Variants in IGFL2 observed in about 807,000 individuals in gnomAD.
IGFL2 encodes the protein insulin growth factor-like family member 2.
A neutral mutation model predicts 13.9 loss-of-function variants in IGFL2; 7 were observed. The observed-to-expected ratio is 0.51, with a 90% CI of 0.29 to 0.95. The LOEUF (loss-of-function observed/expected upper bound fraction) is 0.95. Among genes scored for constraint, IGFL2 ranks in the 40% least tolerant of loss-of-function variants. The pLI is 0.08. For synonymous variants in IGFL2, 55 were observed against 55.8 expected, an observed-to-expected ratio of 0.99 and a Z score of 0.07; for missense variants, 138 against 147.8, an observed-to-expected ratio of 0.93 and a Z score of 0.34.
chr19:46,197,176 T>C, the IGFL2 span: 2 of 227,234 alleles, frequency 8.8e-6, no homozygotes, highest in Admixed American at 4.5e-5. Context: ...CAGAGTCTGC[T>C]TCGAGAAGTG....
chr19:46,111,922 GTC>G, the IGFL2 span: 32 of 152,268 alleles, frequency 2.1e-4, no homozygotes, highest in Admixed American at 7.2e-4. Flanking sequence ...TACACCCCGA[GTC>G]TGTACAAATA....
chr19:46,103,836 T>C, the IGFL2 span, among the ~76,000 whole-genome samples: 4 of 151,726 alleles, frequency 2.6e-5, no homozygotes, highest in African/African-American at 9.7e-5. Flanking sequence ...TGCGGGTGAG[T>C]TTAAGGGAAG....
chr19:46,135,992 C>A, the IGFL2 span, among the ~76,000 whole-genome samples: 1 of 152,180 alleles, frequency 6.6e-6, no homozygotes, highest in Non-Finnish European at 1.5e-5. Context: ...TTCCAGGAGA[C>A]CTTCCCCTAC....
the IGFL2 span, among the ~76,000 whole-genome samples, chr19:46,194,500 A>G: frequency 3.3e-5 from 5 of 152,220 alleles, no homozygotes; most frequent in Admixed American, 6.5e-5. Context: ...AAGCTTTTCA[A>G]TGGCTTCACC....
chr19:46,161,318 CTTTTTTTTT>C (rs71175262), downstream of IGFL2: 12 of 239,098 alleles, frequency 5.0e-5, no homozygotes, highest in Non-Finnish European at 9.2e-5. Flanking sequence ...CGTCTCCTTT[CTTTTTTTTT>C]TTTTTTTTTG....
the IGFL2 span, among the ~76,000 whole-genome samples, chr19:46,096,092 T>A: frequency 0.018 from 2,786 of 152,340 alleles, 94 homozygotes; most frequent in African/African-American, 0.063. Context: ...TATCATTGAA[T>A]CTATAAATTA....
chr19:46,135,302 C>A, the IGFL2 span, among the ~76,000 whole-genome samples: 1 of 152,184 alleles, frequency 6.6e-6, no homozygotes, highest in Non-Finnish European at 1.5e-5. Flanking sequence ...TCCCACATTG[C>A]TTTTGATGAT....
At chr19:46,096,769 GA>G in the IGFL2 span, among the ~76,000 whole-genome samples, 1 of 152,116 alleles carries the variant, frequency 6.6e-6, no homozygotes, top group Non-Finnish European at 1.5e-5. Context: ...TGCATCTATT[GA>G]GATAATTGTG....
At chr19:46,171,004 A>C in the IGFL2 span, among the ~76,000 whole-genome samples, 1 of 151,862 alleles carries the variant, frequency 6.6e-6, no homozygotes, top group African/African-American at 2.4e-5. Flanking sequence ...CCCACACCCT[A>C]TTCGTACACT....
chr19:46,158,413 G>T (rs1973941079), intron 1 of IGFL2, among the ~76,000 whole-genome samples: 1 of 152,026 alleles, frequency 6.6e-6, no homozygotes, highest in Non-Finnish European at 1.5e-5. Context: ...GTTTCACCCT[G>T]TTAGCCAGGA....
the IGFL2 span, among the ~76,000 whole-genome samples, chr19:46,085,797 A>G: frequency 2.0e-5 from 3 of 152,176 alleles, no homozygotes; most frequent in African/African-American, 7.2e-5. Context: ...CCCTTAAGGA[A>G]CTCTTGTAAG....
At chr19:46,155,925 T>G (rs1054529239) in intron 1 of IGFL2, among the ~76,000 whole-genome samples, 1 of 152,236 alleles carries the variant, frequency 6.6e-6, no homozygotes, top group Admixed American at 6.5e-5. Flanking sequence ...CGTATAACTT[T>G]GTTTAGTTTC....
chr19:46,134,626 A>T, the IGFL2 span, among the ~76,000 whole-genome samples: 89 of 152,230 alleles, frequency 5.8e-4, no homozygotes, highest in African/African-American at 2.1e-3. Context: ...GGAGTGTGCA[A>T]CCTAAATACT....
the IGFL2 span, among the ~76,000 whole-genome samples, chr19:46,201,737 G>A: frequency 2.0e-4 from 30 of 152,310 alleles, 1 homozygote; most frequent in African/African-American, 7.0e-4. Context: ...GTTAAGGTTG[G>A]GGGATACAAG....
chr19:46,152,940 C>T lies in IGFL2; in HGVS notation c.19+4643C>T, dbSNP rs560105833. On this transcript the variant is annotated intron_variant, in intron 1 of 3. Transcript: ENST00000377693. Reference sequence around the variant, plus strand: ...TCATTTGAGAGAATTACGTGTCTCCCTCCTATAGTCTAGTAAGGTGGTGTA... The same window carrying T: ...TCATTTGAGAGAATTACGTGTCTCCTTCCTATAGTCTAGTAAGGTGGTGTA... Among the ~76,000 whole-genome samples, 127 of 152,292 alleles carry T rather than the reference C, an allele frequency of 8.3e-4. 2 individuals are homozygous for T. In the Middle Eastern group the frequency reaches 0.017, roughly 20 times the overall value.
the IGFL2 span, among the ~76,000 whole-genome samples, chr19:46,095,601 A>G: frequency 6.6e-6 from 1 of 152,126 alleles, no homozygotes; most frequent in Non-Finnish European, 1.5e-5. Flanking sequence ...ATCTTTTCCC[A>G]TGCTTATGTC....
chr19:46,146,084 G>T (rs938144179), upstream of IGFL2, among the ~76,000 whole-genome samples: 1 of 151,288 alleles, frequency 6.6e-6, no homozygotes, highest in African/African-American at 2.4e-5. Context: ...GAAATACGTA[G>T]TTTTACTTTT....
upstream of IGFL2, among the ~76,000 whole-genome samples, chr19:46,143,413 T>C (rs897160449): frequency 6.6e-6 from 1 of 151,662 alleles, no homozygotes; most frequent in African/African-American, 2.4e-5. Context: ...TTTTTTTTTT[T>C]TTTTGAGACA....
chr19:46,116,285 T>C, the IGFL2 span, among the ~76,000 whole-genome samples: 1 of 152,222 alleles, frequency 6.6e-6, no homozygotes, highest in African/African-American at 2.4e-5. Flanking sequence ...GAGCTCTCGT[T>C]GTCTTTCTGG....
Sources: allele counts gnomAD v4.1 joint callset (sites outside exome capture counted in the v4.1 genomes callset), GRCh38; gene constraint gnomAD v4.1.1; transcripts MANE v1.5; gene names NCBI Gene and HGNC (gene_info 2026-07-23, HGNC 2026-07-21).